PCDHA12: variants seen among roughly 807,000 people sequenced by gnomAD.
PCDHA12 encodes protocadherin alpha-12.
A neutral mutation model predicts 60.0 loss-of-function variants in PCDHA12; 44 were observed. The observed-to-expected ratio is 0.73, with a 90% CI of 0.58 to 0.94. The LOEUF (loss-of-function observed/expected upper bound fraction) is 0.94, where lower values mean the gene tolerates loss of function less well. Among genes scored for constraint, PCDHA12 ranks in the 40% least tolerant of loss-of-function variants. The pLI, the probability that PCDHA12 is intolerant of heterozygous loss-of-function variation, is 0.00. For synonymous variants in PCDHA12, 569 were observed against 553.0 expected (o/e 1.03, Z -0.40); for missense variants, 1,276 against 1,239.7 (o/e 1.03, Z -0.44).
intron 1 of PCDHA12, among the ~76,000 whole-genome samples, chr5:140,899,260 T>A (rs2153463432): frequency 6.6e-6 from 1 of 152,272 alleles, no homozygotes; most frequent in South Asian, 2.1e-4. Context: ...GGCATCCCTG[T>A]CTTGTGGCAG....
At chr5:140,979,525 T>A (rs1347519268) in intron 2 of PCDHA12, among the ~76,000 whole-genome samples, 1 of 152,244 alleles carries the variant, frequency 6.6e-6, no homozygotes, top group Non-Finnish European at 1.5e-5. Flanking sequence ...TGTTGCTATC[T>A]TATTGTCATC....
intron 1 of PCDHA12, among the ~76,000 whole-genome samples, chr5:140,936,534 T>C (rs1327354780): frequency 1.3e-5 from 2 of 152,230 alleles, no homozygotes; most frequent in African/African-American, 2.4e-5. Context: ...TGCTTTTGAA[T>C]ATAGTGCAAT....
chr5:140,953,293 G>A (rs1410676265), intron 1 of PCDHA12, among the ~76,000 whole-genome samples: 3 of 152,084 alleles, frequency 2.0e-5, no homozygotes, highest in Admixed American at 2.0e-4. Context: ...GTGATTCAGG[G>A]ACGGCAGAGA....
intron 1 of PCDHA12, chr5:140,966,973 G>C (rs782189736): frequency 6.2e-7 from 1 of 1,602,934 alleles, no homozygotes; most frequent in Non-Finnish European, 8.5e-7. Context: ...GGCTTGAGCT[G>C]CGGCGCTTGG....
rs186574903 is a variant in PCDHA12, at chr5:140,898,271, A to T, written c.2367+20432A>T. On this transcript the variant is annotated intron_variant, in intron 1 of 3. Transcript: ENST00000398631. The stretch of plus-strand genomic sequence containing the variant: ...AGACATGAAGTCCTTGCCCATGCCT[A>T]AGTTCTGAATGGTAATGCCTAGGTT... 4.6e-3 allele frequency among the ~76,000 whole-genome samples: 703 copies of T among 152,290 alleles called. 3 individuals carry two copies. The highest frequency in any genetic ancestry group is 0.016 in the African/African-American group (680 of 41,550).
chr5:141,008,678 G>C (rs1463545809), intron 3 of PCDHA12, among the ~76,000 whole-genome samples: 1 of 152,112 alleles, frequency 6.6e-6, no homozygotes, highest in Non-Finnish European at 1.5e-5. Flanking sequence ...ATATACTTTA[G>C]TTATTGCATG....
chr5:140,892,757 A>G lies in PCDHA12; in HGVS notation c.2367+14918A>G, dbSNP rs140291258. 8.0e-3 allele frequency among the ~76,000 whole-genome samples: 1,217 copies of G among 152,310 alleles called. 7 individuals carry two copies. Among genetic ancestry groups the G allele is most frequent in the African/African-American group, 0.019 (784 of 41,562 alleles). ...CCATTTTTGCATGGTGAACATTTAA[A>G]ATCCACTCTTCTAGCTTCTTGAAAA... On this transcript the variant is annotated intron_variant, in intron 1 of 3. Transcript: ENST00000398631.
chr5:140,941,191 T>TTTTTTC (rs1554213809), intron 1 of PCDHA12, among the ~76,000 whole-genome samples: 1 of 93,206 alleles, frequency 1.1e-5, no homozygotes, highest in African/African-American at 3.9e-5. Context: ...GCTTCTTTTT[T>TTTTTTC]TTTCTTTCTT....
intron 1 of PCDHA12, chr5:140,882,678 A>G: frequency 6.2e-7 from 1 of 1,614,250 alleles, no homozygotes; most frequent in East Asian, 2.2e-5. Flanking sequence ...CCTGAAAGCA[A>G]GAAACGAATA....
At chr5:140,991,422 T>G (rs140209692) in intron 3 of PCDHA12, among the ~76,000 whole-genome samples, 7 of 152,330 alleles carry the variant, frequency 4.6e-5, no homozygotes, top group Admixed American at 1.3e-4. Context: ...TATAACAAAT[T>G]AACCATAAAC....
intron 3 of PCDHA12, among the ~76,000 whole-genome samples, chr5:141,002,322 G>A (rs1477526091): frequency 6.6e-6 from 1 of 152,190 alleles, no homozygotes; most frequent in South Asian, 2.1e-4. Context: ...CCTGGAGGCC[G>A]GGCTGCATCC....
rs1554262827 is a variant in PCDHA12 at position 141,010,253 on chromosome 5, C to A, written c.*316C>A. The A allele has an allele frequency of 3.2e-6, 5 of 1,551,834 alleles. No homozygotes were observed. The highest frequency in any genetic ancestry group is 1.7e-4 in the Middle Eastern group (1 of 5,990). On this transcript the variant is annotated 3_prime_UTR_variant, in exon 4 of 4. Transcript: ENST00000398631. ...CGCCAGTGAGAGGTTGGACTCTCTG[C>A]CCTGTGCTCCGGGGATCCTGTCTTG...
chr5:140,962,764 T>C (rs946789298), intron 1 of PCDHA12, among the ~76,000 whole-genome samples: 7 of 152,226 alleles, frequency 4.6e-5, no homozygotes, highest in African/African-American at 1.7e-4. Flanking sequence ...TATTCGTTTT[T>C]AACAAGATGG....
chr5:140,915,209 AG>A lies in PCDHA12; in HGVS notation c.2367+37371del, dbSNP rs2077027084. On this transcript the variant is annotated intron_variant, in intron 1 of 3. Coordinates refer to ENST00000398631, the MANE Select transcript of PCDHA12 (RefSeq NM_018903.4). ...TGATCCGCCCATCTTGGCCTCCCAAAGTGCTGGGATTACAGGCATGAGCCAC... is the reference window on the plus strand; with the variant it reads ...TGATCCGCCCATCTTGGCCTCCCAAATGCTGGGATTACAGGCATGAGCCAC... 2.6e-5 allele frequency among the ~76,000 whole-genome samples: 4 copies of A among 152,034 alleles called. No individual in the cohort carries two copies. The South Asian group carries it at 8.3e-4, about 32-fold the overall frequency.
chr5:140,893,467 A>G (rs2064001411), intron 1 of PCDHA12, among the ~76,000 whole-genome samples: 1 of 152,186 alleles, frequency 6.6e-6, no homozygotes, highest in Non-Finnish European at 1.5e-5. Context: ...AGCCTGGGCA[A>G]CATAGCAAGA....
chr5:140,875,666 G>A lies in PCDHA12; in HGVS notation c.194G>A (p.Arg65Gln), dbSNP rs781866030. ...GCGGAGCTGGTGCCGCGCCTGTTCC[G>A]GGTGGCGTCCAAAAGACACGGGGAC... is the stretch of plus-strand genomic sequence containing the variant. ...ELAELVPRLF[R>Q]VASKRHGDLL... Residue 65 changes from arginine (R) to glutamine (Q), a missense_variant, in exon 1 of 4, where the codon CGG (arginine) becomes CAG (glutamine). Coordinates refer to ENST00000398631, the MANE Select transcript of PCDHA12 (RefSeq NM_018903.4). 1.2e-6 allele frequency: 2 copies of A among 1,613,786 alleles called. No homozygotes were observed. The highest frequency in any genetic ancestry group is 4.5e-5 in the East Asian group (2 of 44,884).
chr5:140,955,359 C>A (rs1390938554), intron 1 of PCDHA12, among the ~76,000 whole-genome samples: 1 of 151,992 alleles, frequency 6.6e-6, no homozygotes, highest in African/African-American at 2.4e-5. Context: ...TGAGAGGGAC[C>A]CAGTGGGAGG....
chr5:140,927,886 G>C, intron 1 of PCDHA12: 1 of 1,614,210 alleles, frequency 6.2e-7, no homozygotes, highest in Non-Finnish European at 8.5e-7. Flanking sequence ...GGAGGTGACT[G>C]ACGTGAACGA....
intron 1 of PCDHA12, chr5:140,928,069 A>C (rs782427256): frequency 6.2e-7 from 1 of 1,614,180 alleles, no homozygotes; most frequent in Non-Finnish European, 8.5e-7. Context: ...TTCCTTTGAC[A>C]ACTACTACAG....
Sources: allele counts gnomAD v4.1 joint callset (sites outside exome capture counted in the v4.1 genomes callset), GRCh38; gene constraint gnomAD v4.1.1; transcripts MANE v1.5; gene names NCBI Gene and HGNC (gene_info 2026-07-23, HGNC 2026-07-21).